Variants in SMG6 observed in about 807,000 individuals in gnomAD.
The protein encoded by SMG6 is SMG6 nonsense mediated mRNA decay factor, also known as telomerase-binding protein EST1A.
Under a neutral mutation model 142.2 loss-of-function variants are expected in SMG6, and 66 were observed. The observed-to-expected ratio is 0.46, with a 90% CI of 0.38 to 0.57. The LOEUF is 0.57. Ranked by LOEUF, SMG6 falls within the 20% of genes least tolerant of loss-of-function variation. The probability of loss-of-function intolerance (pLI) is 0.00; values close to 1 mark genes in which losing one functional copy is unlikely to be tolerated. For synonymous variants in SMG6, 779 were observed against 702.4 expected (o/e 1.11, Z -1.72); for missense variants, 1,793 against 1,832.0 (o/e 0.98, Z 0.39).
intron 13 of SMG6, chr17:2,127,655 C>A: frequency 1.8e-6 from 1 of 569,010 alleles, no homozygotes; most frequent in South Asian, 1.4e-5. Flanking sequence ...GAATACAATT[C>A]TTTTACTCTG....
At chr17:2,202,558 GA>G (rs796809054) in intron 10 of SMG6, among the ~76,000 whole-genome samples, 42 of 144,578 alleles carry the variant, frequency 2.9e-4, no homozygotes, top group East Asian at 7.9e-4. Flanking sequence ...TCTGAAAAAG[GA>G]AAAAAAAAAA....
At position 2,236,420 on chromosome 17, in the gene SMG6, G is replaced by A. The variant is rs182339905; in HGVS notation, c.2869+72C>T. 9 of 1,505,036 alleles carry A rather than the reference G, an allele frequency of 6.0e-6. No homozygotes were observed. In the Admixed American group the frequency reaches 1.5e-4, roughly 24 times the overall value. 93.2% of individuals were successfully genotyped at this position (1,505,036 alleles called of 1,614,324 possible). A position where few individuals can be genotyped will look rare whatever the true frequency, so the allele number is the denominator to read the frequency against. The stretch of plus-strand genomic sequence containing the variant: ...GGGGGAGGTAGGTATGGTAGGTATG[G>A]TAACACAAGAAAGAAGCTACATTAA... On this transcript the variant is annotated intron_variant, in intron 10 of 18. Coordinates refer to ENST00000263073, the MANE Select transcript of SMG6 (RefSeq NM_017575.5).
chr17:2,191,625 G>A (rs1474518656), intron 10 of SMG6, among the ~76,000 whole-genome samples: 1 of 152,202 alleles, frequency 6.6e-6, no homozygotes, highest in Non-Finnish European at 1.5e-5. Flanking sequence ...AAGGAAGTCA[G>A]ACGGAAATAT....
intron 8 of SMG6, among the ~76,000 whole-genome samples, chr17:2,277,165 A>ATTTT (rs763149008): frequency 2.4e-4 from 15 of 63,426 alleles, no homozygotes; most frequent in South Asian, 5.3e-4. Context: ...TTATTTATTT[A>ATTTT]TTTTTTATTT....
chr17:2,104,726 TC>T (rs1176457676), intron 13 of SMG6, among the ~76,000 whole-genome samples: 1 of 152,088 alleles, frequency 6.6e-6, no homozygotes, highest in African/African-American at 2.4e-5. Flanking sequence ...CATTTGATTA[TC>T]ATGGTAATCC....
intron 15 of SMG6, among the ~76,000 whole-genome samples, chr17:2,073,249 A>G (rs573591007): frequency 2.0e-5 from 3 of 151,814 alleles, no homozygotes; most frequent in Non-Finnish European, 4.4e-5. Context: ...ACGCCCGGCT[A>G]ATTTTTGTAT....
chr17:2,148,537 C>T (rs1048351002), intron 13 of SMG6, among the ~76,000 whole-genome samples: 1 of 152,198 alleles, frequency 6.6e-6, no homozygotes, highest in African/African-American at 2.4e-5. Context: ...TATGATTCCA[C>T]TTATATGAGG....
intron 13 of SMG6, among the ~76,000 whole-genome samples, chr17:2,141,408 A>T (rs2151574543): frequency 6.6e-6 from 1 of 152,276 alleles, no homozygotes; most frequent in South Asian, 2.1e-4. Context: ...ATTAAGTGGG[A>T]ATTACAGGAA....
At chr17:2,187,537 G>C (rs761859362) in intron 11 of SMG6, among the ~76,000 whole-genome samples, 2 of 152,080 alleles carry the variant, frequency 1.3e-5, no homozygotes. Context: ...TAAAGGGCCC[G>C]CAACTCTGTA....
At position 2,300,545 on chromosome 17, in the gene SMG6, C is replaced by A. The variant is rs2075257714; in HGVS notation, c.208G>T (p.Gly70Trp). 6 of 1,613,916 alleles carry A rather than the reference C, an allele frequency of 3.7e-6. No homozygotes were observed. Among genetic ancestry groups the A allele is most frequent in the African/African-American group, 1.3e-5 (1 of 74,908 alleles). Residue 70 changes from glycine to tryptophan, a missense_variant, in exon 2 of 19, where the codon GGG becomes TGG. Physicochemically the swap from Gly to Trp is radical, Grantham distance 184. This residue lies in a region of SMG6 where 1,597 missense variants were observed against 1,584.6 expected (regional missense o/e 1.01). Coordinates refer to ENST00000263073, the MANE Select transcript of SMG6 (RefSeq NM_017575.5). ...ATTTCATCTTTGAATTCCTCACTCCCAGGGGGTTCCTTGATTTTGGGCTTG... is the reference window on the plus strand; with the variant it reads ...ATTTCATCTTTGAATTCCTCACTCCAAGGGGGTTCCTTGATTTTGGGCTTG... ...RNKPKIKEPP[G>W]SEEFKDEIVN...
At chr17:2,290,780 A>C (rs966430853) in intron 6 of SMG6, among the ~76,000 whole-genome samples, 1 of 152,238 alleles carries the variant, frequency 6.6e-6, no homozygotes, top group Non-Finnish European at 1.5e-5. Flanking sequence ...AAAAATGGGC[A>C]AAAAAGTAGT....
At position 2,091,889 on chromosome 17, in the gene SMG6, A is replaced by G. The variant is rs559186720; in HGVS notation, c.3358-5988T>C. The stretch of plus-strand genomic sequence containing the variant: ...AGTAGAGACGAGGTTTCACCGTGTT[A>G]GCCAGGACGGTCTTGATCTCCTGAC... On this transcript the variant is annotated intron_variant, in intron 13 of 18. Transcript: ENST00000263073. Among the ~76,000 whole-genome samples, 672 of 150,538 alleles carry G rather than the reference A, an allele frequency of 4.5e-3. 7 individuals carry two copies. Among genetic ancestry groups the G allele is most frequent in the African/African-American group, 0.015 (617 of 41,186 alleles).
At chr17:2,191,267 G>A (rs1445819305) in intron 10 of SMG6, among the ~76,000 whole-genome samples, 1 of 152,182 alleles carries the variant, frequency 6.6e-6, no homozygotes, top group Non-Finnish European at 1.5e-5. Context: ...GCTAGAAACC[G>A]TAAGACGCTA....
At chr17:2,289,533 G>A (rs2074984276) in intron 6 of SMG6, among the ~76,000 whole-genome samples, 2 of 152,154 alleles carry the variant, frequency 1.3e-5, no homozygotes, top group Non-Finnish European at 2.9e-5. Flanking sequence ...CTCCAGCCTA[G>A]GTGACAGAGT....
intron 15 of SMG6, among the ~76,000 whole-genome samples, chr17:2,079,462 G>T (rs933005782): frequency 1.5e-5 from 2 of 132,996 alleles, no homozygotes; most frequent in African/African-American, 5.7e-5. Context: ...GTGAAACCTG[G>T]TCTCTACGAA....
At chr17:2,244,888 A>G (rs2073894423) in intron 8 of SMG6, 169 bp from the exon 9 acceptor site, 1 of 605,820 alleles carries the variant, frequency 1.7e-6, no homozygotes, top group Admixed American at 2.8e-5. Context: ...GCACATGCCC[A>G]ACAGCTGCCG....
rs1051541995 is a variant in SMG6 at position 2,234,435 on chromosome 17, G to T, written c.2869+2057C>A. On this transcript the variant is annotated intron_variant, in intron 10 of 18. Transcript: ENST00000263073. ...CACCACCAAGCGCAGCTAATTTTTG[G>T]TATTTTTAGTATAGACAGGGTTTCG... 2.0e-5 allele frequency among the ~76,000 whole-genome samples: 3 copies of T among 151,280 alleles called. No homozygotes were observed. In the South Asian group the frequency reaches 6.3e-4, roughly 32 times the overall value.
At chr17:2,116,549 C>T (rs1197650978) in intron 13 of SMG6, among the ~76,000 whole-genome samples, 2 of 152,016 alleles carry the variant, frequency 1.3e-5, no homozygotes, top group Admixed American at 1.3e-4. Flanking sequence ...AGTTTGAGAC[C>T]AGCCTGGCCA....
At position 2,199,242 on chromosome 17, in the gene SMG6, G is replaced by A. The variant is rs189733899; in HGVS notation, c.2870-10727C>T. ...AGAAAGGGCAGTCAGAGGAAAAAGC[G>A]GCTTCAAACATGAGTCTGAGTACTG... On this transcript the variant is annotated intron_variant, in intron 10 of 18. Coordinates refer to ENST00000263073, the MANE Select transcript of SMG6 (RefSeq NM_017575.5). Among the ~76,000 whole-genome samples, 8 of 152,308 alleles carry A rather than the reference G, an allele frequency of 5.3e-5. No individual in the cohort carries two copies. The East Asian group carries it at 9.6e-4, about 18-fold the overall frequency.
Sources: gnomAD v4.1 joint callset for allele counts (sites outside exome capture counted in the v4.1 genomes callset) on GRCh38, gnomAD v4.1.1 for gene constraint, gnomAD v4.1.1 regional missense constraint, MANE v1.5 for transcripts, NCBI Gene and HGNC (gene_info 2026-07-23, HGNC 2026-07-21) for gene names.